Variants in GSG1L observed in about 807,000 individuals in gnomAD.
The protein encoded by GSG1L is GSG1 like.
GSG1L carries 24 observed loss-of-function variants against 42.1 expected under a neutral mutation model. That is an observed-to-expected ratio of 0.57 (90% CI 0.41 to 0.80). The LOEUF (loss-of-function observed/expected upper bound fraction) is 0.80. Ranked by LOEUF, GSG1L falls within the 30% of genes least tolerant of loss-of-function variation. The probability of loss-of-function intolerance (pLI) is 0.00; values close to 1 mark genes in which losing one functional copy is unlikely to be tolerated. For missense variants in GSG1L, 445 were observed against 472.2 expected (o/e 0.94, Z 0.53); for synonymous variants, 215 against 203.5 (o/e 1.06, Z -0.48).
chr16:27,882,005 A>G (rs776741471), intron 3 of GSG1L, among the ~76,000 whole-genome samples: 12 of 152,080 alleles, frequency 7.9e-5, no homozygotes, highest in Non-Finnish European at 1.6e-4. Context: ...CAGAGAGATC[A>G]TCCCTGATGT....
In GSG1L at chr16:27,799,284, A is replaced by C. The variant is rs542332426; in HGVS notation, c.899-7817T>G. 9.5e-4 allele frequency among the ~76,000 whole-genome samples: 139 copies of C among 145,906 alleles called. 1 individual carries two copies. Among genetic ancestry groups the C allele is most frequent in the African/African-American group, 3.5e-3 (138 of 39,454 alleles). ...CTTGGCGGCTCACGCCTGTAATCTC[A>C]TCACTTTGGGAGTCCAAGGCAGGAT... On this transcript the variant is annotated intron_variant, in intron 6 of 6. Coordinates refer to ENST00000447459, the MANE Select transcript of GSG1L (RefSeq NM_001109763.2).
chr16:27,910,916 G>A (rs561047374), intron 2 of GSG1L, among the ~76,000 whole-genome samples: 2 of 152,326 alleles, frequency 1.3e-5, no homozygotes, highest in East Asian at 3.9e-4. Flanking sequence ...GGGAGGCTGA[G>A]GCAGGAGGAT....
At chr16:27,911,882 C>CT (rs1567515870) in intron 2 of GSG1L, among the ~76,000 whole-genome samples, 1 of 152,188 alleles carries the variant, frequency 6.6e-6, no homozygotes, top group Admixed American at 6.5e-5. Flanking sequence ...TGACAACTTA[C>CT]TTTTTTGAAA....
intron 1 of GSG1L, among the ~76,000 whole-genome samples, chr16:27,969,872 T>C (rs2085174383): frequency 6.6e-6 from 1 of 152,234 alleles, no homozygotes. Context: ...ACACTTGCTA[T>C]TGTTCGTCTT....
intron 1 of GSG1L, among the ~76,000 whole-genome samples, chr16:28,006,995 G>A (rs2085647752): frequency 6.6e-6 from 1 of 152,200 alleles, no homozygotes; most frequent in African/African-American, 2.4e-5. Context: ...GACACTGAGA[G>A]CCCCCAGGGA....
chr16:27,958,022 A>G (rs1445481181), intron 2 of GSG1L, among the ~76,000 whole-genome samples: 2 of 152,218 alleles, frequency 1.3e-5, no homozygotes, highest in African/African-American at 2.4e-5. Flanking sequence ...ATCCACCTCC[A>G]TGACTCAAAC....
At position 27,846,912 on chromosome 16, in the gene GSG1L, G is replaced by A. The variant is rs189700184; in HGVS notation, c.551-1851C>T. 3.5e-3 allele frequency among the ~76,000 whole-genome samples: 525 copies of A among 148,944 alleles called. 6 individuals are homozygous for A. The highest frequency in any genetic ancestry group is 0.012 in the African/African-American group (475 of 40,250). On this transcript the variant is annotated intron_variant, in intron 3 of 6. Coordinates refer to ENST00000447459, the MANE Select transcript of GSG1L (RefSeq NM_001109763.2). ...GCAGAGCTTGCAGTGAACCGAGATC[G>A]TGCCACTGCACCCCAGCCTGGGTGA...
At chr16:27,822,600 G>A (rs532960604) in intron 5 of GSG1L, among the ~76,000 whole-genome samples, 1 of 152,158 alleles carries the variant, frequency 6.6e-6, no homozygotes, top group East Asian at 1.9e-4. Flanking sequence ...TAATTTTTTT[G>A]TAGAGACAGG....
intron 3 of GSG1L, among the ~76,000 whole-genome samples, chr16:27,870,354 C>T (rs2083802385): frequency 6.8e-6 from 1 of 146,678 alleles, no homozygotes; most frequent in Non-Finnish European, 1.5e-5. Flanking sequence ...CTCCTTCTGT[C>T]TCTCTGTCTC....
chr16:27,849,808 G>A (rs759757659), intron 3 of GSG1L, among the ~76,000 whole-genome samples: 5 of 151,888 alleles, frequency 3.3e-5, no homozygotes, highest in Non-Finnish European at 5.9e-5. Flanking sequence ...TTACAGGCGT[G>A]AGCCACTGTG....
intron 1 of GSG1L, among the ~76,000 whole-genome samples, chr16:28,051,699 AG>A (rs1246431648): frequency 2.0e-5 from 3 of 152,122 alleles, no homozygotes; most frequent in East Asian, 3.9e-4. Flanking sequence ...GCATGCCTGG[AG>A]GTGTGTGTGC....
At chr16:27,954,454 C>T (rs751223906) in intron 2 of GSG1L, among the ~76,000 whole-genome samples, 3 of 152,140 alleles carry the variant, frequency 2.0e-5, no homozygotes, top group Non-Finnish European at 4.4e-5. Context: ...GAGCTCCATA[C>T]TGAAAACCAA....
chr16:27,911,841 C>A (rs1242118934), intron 2 of GSG1L, among the ~76,000 whole-genome samples: 1 of 152,176 alleles, frequency 6.6e-6, no homozygotes, highest in Non-Finnish European at 1.5e-5. Flanking sequence ...CTTTTCTCCA[C>A]ACTTATTGCC....
intron 3 of GSG1L, among the ~76,000 whole-genome samples, chr16:27,864,546 G>A (rs1284152002): frequency 2.6e-5 from 4 of 152,190 alleles, no homozygotes; most frequent in African/African-American, 9.7e-5. Flanking sequence ...CTTCTCAAAG[G>A]TGGCTGCTCT....
intron 1 of GSG1L, among the ~76,000 whole-genome samples, chr16:28,061,435 G>C (rs375207521): frequency 6.6e-6 from 1 of 152,130 alleles, no homozygotes; most frequent in Non-Finnish European, 1.5e-5. Context: ...TCTGACAAAC[G>C]GCCAGCCTGG....
chr16:27,827,797 T>C (rs11639671), intron 5 of GSG1L, among the ~76,000 whole-genome samples: 64,033 of 151,650 alleles, frequency 0.42, 14,302 homozygotes, highest in African/African-American at 0.55. Flanking sequence ...CCTCTGCCTA[T>C]TTACTTATCA....
chr16:27,943,725 C>T (rs1481789502), intron 2 of GSG1L, among the ~76,000 whole-genome samples: 4 of 151,758 alleles, frequency 2.6e-5, no homozygotes, highest in Admixed American at 2.0e-4. Context: ...CAGGTGTGCA[C>T]CACCACACCC....
intron 4 of GSG1L, among the ~76,000 whole-genome samples, chr16:27,833,330 T>C (rs555146014): frequency 1.3e-5 from 2 of 152,246 alleles, no homozygotes; most frequent in East Asian, 3.9e-4. Flanking sequence ...CTGAGTTCTC[T>C]ATTTTTTTTT....
In GSG1L at chr16:27,864,740, C is replaced by T. The variant is rs377586622; in HGVS notation, c.551-19679G>A. The stretch of plus-strand genomic sequence containing the variant: ...AGCAAAATGGAGGTTGCAAAGCCCT[C>T]GTGTGAACTCTCAGGAAAGCTCTGG... On this transcript the variant is annotated intron_variant, in intron 3 of 6. Transcript: ENST00000447459. 4.6e-5 allele frequency among the ~76,000 whole-genome samples: 7 copies of T among 152,294 alleles called. 1 individual carries two copies. In the East Asian group the frequency reaches 7.7e-4, roughly 17 times the overall value.
Sources: allele counts gnomAD v4.1 joint callset (sites outside exome capture counted in the v4.1 genomes callset), GRCh38; gene constraint gnomAD v4.1.1; transcripts MANE v1.5; gene names NCBI Gene and HGNC (gene_info 2026-07-23, HGNC 2026-07-21).